The following CDC27 variants were observed in gnomAD, a reference collection of about 807,000 sequenced individuals.
CDC27 encodes the protein cell division cycle protein 27 homolog.
In CDC27, 27 loss-of-function variants were observed where a neutral mutation model predicts 109.7. The observed-to-expected ratio is 0.25, with a 90% CI of 0.18 to 0.34. The LOEUF (loss-of-function observed/expected upper bound fraction) is 0.34, where lower values mean the gene tolerates loss of function less well. CDC27 is among the 10% of genes least tolerant of loss of function. The probability of loss-of-function intolerance (pLI) is 1.00; values close to 1 mark genes in which losing one functional copy is unlikely to be tolerated. For missense variants in CDC27, 579 were observed against 960.2 expected (o/e 0.60, Z 5.25); for synonymous variants, 266 against 333.9 (o/e 0.80, Z 2.22).
In CDC27 at chr17:47,143,912, G is replaced by T; in HGVS notation, c.1141C>A (p.Leu381Ile). ...GTTGTGGAGCTGTCACTAGTAAAGAGTCGTGAACTTCTTCGAGGCAGTGCG... is the reference window on the plus strand; with the variant it reads ...GTTGTGGAGCTGTCACTAGTAAAGATTCGTGAACTTCTTCGAGGCAGTGCG... ...PNALPRRSSR[L>I]FTSDSSTTKE... is the part of the protein sequence containing the mutation. Residue 381 changes from leucine (L) to isoleucine (I), a missense_variant, in exon 10 of 19, where the codon CTC becomes ATC. This residue lies in a region of CDC27 where 51 missense variants were observed against 43.8 expected (regional missense o/e 1.16). Coordinates refer to ENST00000066544, the MANE Select transcript of CDC27 (RefSeq NM_001256.6). The T allele has an allele frequency of 1.3e-6, 2 of 1,496,128 alleles. No homozygotes were observed. The highest frequency in any genetic ancestry group is 9.0e-7 in the Non-Finnish European group (1 of 1,115,366). The allele number at this position is 1,496,128 out of a possible 1,614,324, so 92.7% of individuals were successfully genotyped here.
chr17:47,187,571 G>A (rs953288360), intron 1 of CDC27, among the ~76,000 whole-genome samples: 3 of 151,972 alleles, frequency 2.0e-5, no homozygotes, highest in African/African-American at 7.3e-5. Flanking sequence ...CAAAGTGCTG[G>A]GATTTCAGGT....
intron 10 of CDC27, 32 bp from the exon 11 acceptor site, chr17:47,142,468 T>A: frequency 1.2e-6 from 1 of 864,200 alleles, no homozygotes; most frequent in Non-Finnish European, 1.8e-6. Flanking sequence ...ACACCTGTTA[T>A]ACTCATGTAT....
At chr17:47,175,575 G>A (rs1438938180) in intron 2 of CDC27, among the ~76,000 whole-genome samples, 1 of 152,184 alleles carries the variant, frequency 6.6e-6, no homozygotes, top group African/African-American at 2.4e-5. Flanking sequence ...CAGCACTCTG[G>A]GAGGCCAAGG....
chr17:47,185,472 C>T (rs2064400618), intron 1 of CDC27, among the ~76,000 whole-genome samples: 2 of 151,944 alleles, frequency 1.3e-5, no homozygotes, highest in South Asian at 2.1e-4. Flanking sequence ...CGTGAGGCAC[C>T]GCGCCCGGCC....
chr17:47,181,254 C>CAAAAAAAAAAAA (rs34104273), intron 2 of CDC27: 3 of 31,204 alleles, frequency 9.6e-5, no homozygotes, highest in Admixed American at 4.7e-4. Context: ...GACCCTGTTT[C>CAAAAAAAAAAAA]AAAAAAAAAA....
chr17:47,166,771 A>G (rs2063661549), intron 4 of CDC27, among the ~76,000 whole-genome samples: 2 of 152,082 alleles, frequency 1.3e-5, no homozygotes, highest in Non-Finnish European at 2.9e-5. Flanking sequence ...AGTTTTTAAT[A>G]TGTCATATTT....
intron 18 of CDC27, 90 bp from the exon 19 acceptor site, chr17:47,121,107 T>C: frequency 1.2e-6 from 1 of 824,358 alleles, no homozygotes; most frequent in Non-Finnish European, 2.0e-6. Context: ...TTGTATTATA[T>C]TCAGAGAGAT....
chr17:47,160,942 T>C (rs2063479798), intron 4 of CDC27: 1 of 152,186 alleles, frequency 6.6e-6, no homozygotes, highest in Non-Finnish European at 1.5e-5. Flanking sequence ...ACTTGTGTAA[T>C]TTAAGCCAAT....
In CDC27 at chr17:47,142,441, A is replaced by G. The variant is rs2062824738; in HGVS notation, c.1171-5T>C. 6.0e-6 allele frequency: 8 copies of G among 1,324,204 alleles called. No individual in the cohort carries two copies. The highest frequency in any genetic ancestry group is 8.4e-6 in the Non-Finnish European group (8 of 946,784). The allele number at this position is 1,324,204 out of a possible 1,614,324, so 82.0% of individuals were successfully genotyped here. The stretch of plus-strand genomic sequence containing the variant: ...TTTTAATTTTTTGCTATTCTCCTGT[A>G]AAAGGGAAGAAATTTCACACCTGTT... On this transcript the variant is annotated splice_region_variant and splice_polypyrimidine_tract_variant and intron_variant, in intron 10 of 18. Transcript: ENST00000066544.
At chr17:47,133,026 TATACACAC>T (rs1216669843) in intron 14 of CDC27, among the ~76,000 whole-genome samples, 14 of 32,366 alleles carry the variant, frequency 4.3e-4, no homozygotes, top group Admixed American at 9.8e-4. Context: ...TATATATATA[TATACACAC>T]ACACACACAC....
At chr17:47,177,593 A>C (rs2064064848) in intron 2 of CDC27, among the ~76,000 whole-genome samples, 1 of 152,204 alleles carries the variant, frequency 6.6e-6, no homozygotes, top group African/African-American at 2.4e-5. Flanking sequence ...AACATTTTGC[A>C]GTGTGGGATG....
chr17:47,133,096 CACAAATAT>C (rs2062433876), intron 14 of CDC27, among the ~76,000 whole-genome samples: 1 of 33,382 alleles, frequency 3.0e-5, no homozygotes, highest in East Asian at 1.2e-3. Flanking sequence ...AACACACACA[CACAAATAT>C]ACATATATAT....
At chr17:47,172,433 A>T (rs2063839278) in intron 2 of CDC27, among the ~76,000 whole-genome samples, 1 of 152,176 alleles carries the variant, frequency 6.6e-6, no homozygotes, top group Non-Finnish European at 1.5e-5. Context: ...GGGAGGATAG[A>T]AGTCAAATTT....
At chr17:47,142,099 C>A in intron 11 of CDC27, 74 bp from the exon 12 acceptor site, 1 of 1,232,318 alleles carries the variant, frequency 8.1e-7, no homozygotes, top group East Asian at 2.4e-5. Context: ...AAGGTAATTA[C>A]AAACTAATCT....
chr17:47,122,622 A>T, intron 17 of CDC27, 22 bp from the exon 18 acceptor site: 7 of 1,533,872 alleles, frequency 4.6e-6, no homozygotes, highest in Non-Finnish European at 6.1e-6. Flanking sequence ...CAGCAGCACT[A>T]CATTTTTCAT....
chr17:47,120,110 T>A lies in CDC27; in HGVS notation c.*825A>T, dbSNP rs1374301309. On this transcript the variant is annotated 3_prime_UTR_variant, in exon 19 of 19. Transcript: ENST00000066544. ...TCATATGGTGAACTTAAGGGGTTAT[T>A]AAGGGCCTTGTTTTGGCTTCTCAGT... The A allele has an allele frequency of 6.6e-6, 1 of 152,186 alleles. No homozygotes were observed. Among genetic ancestry groups the A allele is most frequent in the Non-Finnish European group, 1.5e-5 (1 of 68,024 alleles). 9.4% of individuals were successfully genotyped at this position (152,186 alleles called of 1,614,324 possible).
At chr17:47,146,464 G>C (rs1448930282) in intron 9 of CDC27, among the ~76,000 whole-genome samples, 1 of 152,136 alleles carries the variant, frequency 6.6e-6, no homozygotes, top group Non-Finnish European at 1.5e-5. Flanking sequence ...ACCCAAAGCT[G>C]GGGAAAGTAT....
chr17:47,156,648 A>C lies in CDC27; in HGVS notation c.842+265T>G, dbSNP rs1430334602. ...TTTTTAGTAGAGACAGGGTTTCACC[A>C]TGTTGGCCAGGCTGTTCTTGAACTC... On this transcript the variant is annotated intron_variant, in intron 7 of 18. Transcript: ENST00000066544. 5 of 233,626 alleles carry C rather than the reference A, an allele frequency of 2.1e-5. No individual in the cohort carries two copies. In the East Asian group the frequency reaches 4.4e-4, roughly 21 times the overall value. 14.5% of individuals were successfully genotyped at this position (233,626 alleles called of 1,614,324 possible). A position where few individuals can be genotyped will look rare whatever the true frequency, so the allele number is the denominator to read the frequency against.
At chr17:47,182,179 C>A (rs1319459678) in intron 1 of CDC27, among the ~76,000 whole-genome samples, 1 of 152,210 alleles carries the variant, frequency 6.6e-6, no homozygotes, top group African/African-American at 2.4e-5. Context: ...ACTTCCCTAT[C>A]TATTACCTTT....
Sources: gnomAD v4.1 joint callset for allele counts (sites outside exome capture counted in the v4.1 genomes callset) on GRCh38, gnomAD v4.1.1 for gene constraint, gnomAD v4.1.1 regional missense constraint, MANE v1.5 for transcripts, NCBI Gene and HGNC (gene_info 2026-07-23, HGNC 2026-07-21) for gene names.